Variants in PABPC4 observed in about 807,000 individuals in gnomAD.
PABPC4 encodes poly(A) binding protein cytoplasmic 4.
In PABPC4, 15 loss-of-function variants were observed where a neutral mutation model predicts 74.5. The ratio of observed to expected loss-of-function variants is 0.20; its 90% CI spans 0.13 to 0.31. The LOEUF is 0.31. PABPC4 is among the 10% of genes least tolerant of loss of function. PABPC4 has a pLI of 1.00. For missense variants in PABPC4, 610 were observed against 853.5 expected (o/e 0.71, Z 3.55); for synonymous variants, 345 against 303.0 (o/e 1.14, Z -1.44).
intron 14 of PABPC4, 42 bp downstream of exon 14, chr1:39,562,031 C>A: frequency 6.3e-7 from 1 of 1,599,322 alleles, no homozygotes; most frequent in South Asian, 1.1e-5. Context: ...CCAGTCTTCC[C>A]AAGCTGAGAA....
At chr1:39,574,951 C>T (rs753029030) in intron 1 of PABPC4, among the ~76,000 whole-genome samples, 13 of 152,238 alleles carry the variant, frequency 8.5e-5, no homozygotes, top group Non-Finnish European at 1.3e-4. Context: ...TGGCTTCCAA[C>T]TTTTTGCATT....
At position 39,563,925 on chromosome 1, in the gene PABPC4, A is replaced by G; in HGVS notation, c.1454-3T>C. ...CAAGCGGTCCGGGCACTCAGACCCTACAACAGACCAGCAAATGCACATCAG... is the reference window on the plus strand; with the variant it reads ...CAAGCGGTCCGGGCACTCAGACCCTGCAACAGACCAGCAAATGCACATCAG... On this transcript the variant is annotated splice_region_variant and splice_polypyrimidine_tract_variant and intron_variant, in intron 10 of 15. Coordinates refer to ENST00000372858, the MANE Select transcript of PABPC4 (RefSeq NM_001135653.2). 6.2e-7 allele frequency: 1 copy of G among 1,613,988 alleles called. No individual in the cohort carries two copies. Among genetic ancestry groups the G allele is most frequent in the Non-Finnish European group, 8.5e-7 (1 of 1,179,892 alleles).
chr1:39,570,059 G>A (rs1645915881), intron 3 of PABPC4, 57 bp from the exon 4 acceptor site: 3 of 1,537,450 alleles, frequency 2.0e-6, no homozygotes, highest in South Asian at 2.3e-5. Flanking sequence ...ATGATGTCCA[G>A]GGACCCAAAG....
Position 39,561,794 on chromosome 1 carries a change from G to A in PABPC4, c.1894-7C>T, listed in dbSNP as rs1237032701. ...CTGCTACAGCTTCATCCACCTGCGA[G>A]AAATCTTCAGGTGGTCAGTGAATCT... On this transcript the variant is annotated splice_polypyrimidine_tract_variant and splice_region_variant and intron_variant, in intron 14 of 15. Coordinates refer to ENST00000372858, the MANE Select transcript of PABPC4 (RefSeq NM_001135653.2). The A allele has an allele frequency of 1.9e-6, 3 of 1,611,074 alleles. No homozygotes were observed. Among genetic ancestry groups the A allele is most frequent in the Non-Finnish European group, 2.5e-6 (3 of 1,177,446 alleles).
At position 39,563,888 on chromosome 1, in the gene PABPC4, A is replaced by G. The variant is rs748997581; in HGVS notation, c.1488T>C (p.Phe496=). Residue 496 remains phenylalanine, a synonymous_variant, in exon 11 of 16, where the codon TTT becomes TTC. Coordinates refer to ENST00000372858, the MANE Select transcript of PABPC4 (RefSeq NM_001135653.2). ...CTTGCTGGGCGGCACCAGCCCCACCAAAGTCCATAGCCAAGCGGTCCGGGC... is the reference window on the plus strand; with the variant it reads ...CTTGCTGGGCGGCACCAGCCCCACCGAAGTCCATAGCCAAGCGGTCCGGGC... ...SECPDRLAMD[F]GGAGAAQQGL... 2.5e-6 allele frequency: 4 copies of G among 1,614,214 alleles called. No homozygotes were observed. The highest frequency in any genetic ancestry group is 2.2e-5 in the East Asian group (1 of 44,888).
In PABPC4 at chr1:39,571,220, A is replaced by C; in HGVS notation, c.503+14T>G. 6.2e-7 allele frequency: 1 copy of C among 1,613,856 alleles called. No homozygotes were observed. The highest frequency in any genetic ancestry group is 1.1e-5 in the South Asian group (1 of 91,054). ...GCTCATGCGATGGTTGTTGCTCCGGACTGGGACACTCACACTTTGCGGTCA... is the reference window on the plus strand; with the variant it reads ...GCTCATGCGATGGTTGTTGCTCCGGCCTGGGACACTCACACTTTGCGGTCA... On this transcript the variant is annotated intron_variant, in intron 3 of 15. Transcript: ENST00000372858.
At chr1:39,575,507 T>C (rs1184162384) in intron 1 of PABPC4, among the ~76,000 whole-genome samples, 2 of 152,338 alleles carry the variant, frequency 1.3e-5, no homozygotes, top group East Asian at 3.9e-4. Flanking sequence ...TACAGTCTCC[T>C]TGGTTTCCAA....
rs1267637656 is a variant in PABPC4, at chr1:39,568,525, TC to T, written c.876+276del. 9 of 329,016 alleles carry T rather than the reference TC, an allele frequency of 2.7e-5. No individual in the cohort carries two copies. The East Asian group carries it at 3.4e-4, about 12-fold the overall frequency. The allele number at this position is 329,016 out of a possible 1,614,324, so 20.4% of individuals were successfully genotyped here. ...CTTGAAGCCATGCCAAACAAAGGAG[TC>T]TCATTTAAGTAAAAGGAACCTACAT... On this transcript the variant is annotated intron_variant, in intron 6 of 15. Transcript: ENST00000372858.
intron 7 of PABPC4, chr1:39,567,322 A>T (rs1175745736): frequency 4.0e-6 from 2 of 503,456 alleles, no homozygotes; most frequent in East Asian, 1.1e-4. Flanking sequence ...CCAGGGTAGA[A>T]GTTCCCAAGC....
chr1:39,571,705 T>G (rs976712416), intron 2 of PABPC4: 11 of 445,610 alleles, frequency 2.5e-5, no homozygotes, highest in African/African-American at 2.2e-4. Flanking sequence ...AGACCCTGTC[T>G]CTACAAAAAA....
At chr1:39,567,903 A>C in intron 6 of PABPC4, 57 bp from the exon 7 acceptor site, 2 of 1,044,686 alleles carry the variant, frequency 1.9e-6, no homozygotes, top group African/African-American at 3.2e-5. Context: ...TTCCCTAAGA[A>C]AGTGGTTCCC....
chr1:39,574,418 G>C (rs1395180654), intron 1 of PABPC4, among the ~76,000 whole-genome samples: 1 of 152,240 alleles, frequency 6.6e-6, no homozygotes, highest in Non-Finnish European at 1.5e-5. Flanking sequence ...ATTTATAGCA[G>C]GGAGAAGTCC....
chr1:39,563,967 C>A, intron 10 of PABPC4, 45 bp from the exon 11 acceptor site: 1 of 1,562,326 alleles, frequency 6.4e-7, no homozygotes, highest in Non-Finnish European at 8.8e-7. Context: ...CGGCAGATGT[C>A]CAACTGGCCA....
chr1:39,565,001 T>G (rs965864702), intron 8 of PABPC4, 105 bp downstream of exon 8: 2 of 1,250,882 alleles, frequency 1.6e-6, no homozygotes, highest in South Asian at 2.7e-5. Context: ...GGGTCCTTAT[T>G]GTGACATTCT....
Position 39,576,234 on chromosome 1 carries a change from CA to C in PABPC4, c.-284del. On this transcript the variant is annotated 5_prime_UTR_variant, in exon 1 of 16. Coordinates refer to ENST00000372858, the MANE Select transcript of PABPC4 (RefSeq NM_001135653.2). ...GGTCCTGGTGCGAAGCTCCAAATTTCAAAAAATCAAAGTAGGAAAAAAATTA... is the reference window on the plus strand; with the variant it reads ...GGTCCTGGTGCGAAGCTCCAAATTTCAAAAATCAAAGTAGGAAAAAAATTA... 1 of 352,702 alleles carries C rather than the reference CA, an allele frequency of 2.8e-6. No individual in the cohort carries two copies. Among genetic ancestry groups the C allele is most frequent in the Middle Eastern group, 7.1e-4 (1 of 1,400 alleles). 21.8% of individuals were successfully genotyped at this position (352,702 alleles called of 1,614,324 possible). A position where few individuals can be genotyped will look rare whatever the true frequency, so the allele number is the denominator to read the frequency against.
At chr1:39,565,665 T>TA (rs1218680662) in intron 7 of PABPC4, among the ~76,000 whole-genome samples, 1 of 151,990 alleles carries the variant, frequency 6.6e-6, no homozygotes, top group African/African-American at 2.4e-5. Flanking sequence ...CCGTCTCTAC[T>TA]AAAAATACAA....
At chr1:39,574,250 A>G (rs979637928) in intron 1 of PABPC4, among the ~76,000 whole-genome samples, 1 of 152,156 alleles carries the variant, frequency 6.6e-6, no homozygotes, top group African/African-American at 2.4e-5. Context: ...GGGAAAGAGG[A>G]CTTTGCTTGT....
At chr1:39,570,957 A>C in intron 3 of PABPC4, 1 of 991,416 alleles carries the variant, frequency 1.0e-6, no homozygotes, top group Non-Finnish European at 1.4e-6. Flanking sequence ...GCTGCTTTCC[A>C]GCCAGCCCCA....
At chr1:39,571,041 G>C (rs1645932572) in intron 3 of PABPC4, 193 bp downstream of exon 3, 3 of 1,460,212 alleles carry the variant, frequency 2.1e-6, no homozygotes, top group Non-Finnish European at 2.7e-6. Flanking sequence ...GGCTTGGGCA[G>C]GAAGCCCACC....
Sources: gnomAD v4.1 joint callset for allele counts (sites outside exome capture counted in the v4.1 genomes callset) on GRCh38, gnomAD v4.1.1 for gene constraint, MANE v1.5 for transcripts, NCBI Gene and HGNC (gene_info 2026-07-23, HGNC 2026-07-21) for gene names.